The following SYT1 variants were observed in gnomAD, a reference collection of about 807,000 sequenced individuals.
The protein encoded by SYT1 is synaptotagmin-1.
SYT1 carries 8 observed loss-of-function variants against 44.8 expected under a neutral mutation model. The observed-to-expected ratio is 0.18, with a 90% CI of 0.10 to 0.32. The LOEUF is 0.32. SYT1 is among the 10% of genes least tolerant of loss of function. The pLI is 1.00. For missense variants in SYT1, 286 were observed against 509.3 expected, an observed-to-expected ratio of 0.56 and a Z score of 4.22; for synonymous variants, 154 against 188.8, an observed-to-expected ratio of 0.82 and a Z score of 1.51.
intron 3 of SYT1, among the ~76,000 whole-genome samples, chr12:79,073,087 ATAGT>A (rs1876395608): frequency 6.6e-6 from 1 of 152,132 alleles, no homozygotes; most frequent in Admixed American, 6.6e-5. Flanking sequence ...GTCTGATGCA[ATAGT>A]TAGAACATAA....
At chr12:78,906,521 G>A (rs1320049972) in intron 1 of SYT1, among the ~76,000 whole-genome samples, 1 of 152,006 alleles carries the variant, frequency 6.6e-6, no homozygotes, top group Non-Finnish European at 1.5e-5. Flanking sequence ...ATTCTATAGA[G>A]AAAAGAAAGG....
rs557525249 is a variant in SYT1 at position 79,052,555 on chromosome 12, C to T, written c.-18+5193C>T. Among the ~76,000 whole-genome samples the T allele has an allele frequency of 2.8e-3, 431 of 152,264 alleles. 2 individuals are homozygous for T. Among genetic ancestry groups the T allele is most frequent in the African/African-American group, 9.9e-3 (411 of 41,558 alleles). On this transcript the variant is annotated intron_variant, in intron 3 of 10. Transcript: ENST00000261205. ...TCTGCACAGCAAAAGAAACTACCAT[C>T]AGAGTGAATAGGCAGCCTACAGAAT...
chr12:79,171,310 C>A (rs1405401966), intron 3 of SYT1, among the ~76,000 whole-genome samples: 2 of 152,016 alleles, frequency 1.3e-5, no homozygotes, highest in Non-Finnish European at 2.9e-5. Context: ...GATATTGATT[C>A]TTCCTCTCCA....
intron 2 of SYT1, among the ~76,000 whole-genome samples, chr12:79,014,385 T>A (rs1258051659): frequency 6.6e-6 from 1 of 152,162 alleles, no homozygotes; most frequent in Non-Finnish European, 1.5e-5. Flanking sequence ...CATGCCTATT[T>A]TAGTGCAAAT....
At chr12:79,199,101 G>T (rs944713304) in intron 3 of SYT1, among the ~76,000 whole-genome samples, 4 of 152,182 alleles carry the variant, frequency 2.6e-5, no homozygotes, top group African/African-American at 9.6e-5. Flanking sequence ...CTCAAGGGCA[G>T]TAGAGACTTT....
intron 1 of SYT1, among the ~76,000 whole-genome samples, chr12:78,903,331 G>C (rs543934381): frequency 1.3e-5 from 2 of 151,746 alleles, no homozygotes; most frequent in Admixed American, 6.6e-5. Context: ...TGTCGCTCAG[G>C]CTGGAGCACA....
chr12:79,346,142 A>G (rs1462477072), intron 8 of SYT1, among the ~76,000 whole-genome samples: 1 of 152,228 alleles, frequency 6.6e-6, no homozygotes, highest in African/African-American at 2.4e-5. Context: ...CTTTTTCCAC[A>G]TAAAACGATG....
chr12:79,124,964 G>A (rs4623969), intron 3 of SYT1, among the ~76,000 whole-genome samples: 3,648 of 152,152 alleles, frequency 0.024, 122 homozygotes, highest in South Asian at 0.11. Context: ...ATTGAGAGAT[G>A]GGGAAAAAAT....
intron 3 of SYT1, among the ~76,000 whole-genome samples, chr12:79,191,865 C>T (rs1026865504): frequency 5.3e-5 from 8 of 151,780 alleles, no homozygotes; most frequent in East Asian, 1.9e-4. Flanking sequence ...AAAATGGTGA[C>T]GGCCATGAGC....
chr12:79,202,958 A>G (rs1873877322), intron 3 of SYT1, among the ~76,000 whole-genome samples: 1 of 152,194 alleles, frequency 6.6e-6, no homozygotes, highest in Non-Finnish European at 1.5e-5. Context: ...TGTTTTGAAT[A>G]GGAAAAAAAT....
At chr12:78,954,122 G>T (rs1879101596) in intron 1 of SYT1, among the ~76,000 whole-genome samples, 2 of 152,072 alleles carry the variant, frequency 1.3e-5, no homozygotes, top group Non-Finnish European at 2.9e-5. Context: ...ATTAGATCAT[G>T]TCATCTTTCA....
chr12:79,207,672 G>A (rs936852715), intron 3 of SYT1, among the ~76,000 whole-genome samples: 1 of 152,186 alleles, frequency 6.6e-6, no homozygotes, highest in African/African-American at 2.4e-5. Context: ...AGTTGGGCCA[G>A]CTTGGAAACA....
intron 2 of SYT1, among the ~76,000 whole-genome samples, chr12:79,037,892 A>G (rs1257804726): frequency 1.3e-5 from 2 of 151,826 alleles, no homozygotes; most frequent in African/African-American, 4.8e-5. Context: ...ACAATCAGAT[A>G]ATGTTGTGCT....
intron 1 of SYT1, among the ~76,000 whole-genome samples, chr12:78,872,022 A>G (rs1592510147): frequency 6.6e-6 from 1 of 151,956 alleles, no homozygotes; most frequent in East Asian, 1.9e-4. Context: ...TTCTTCTGTT[A>G]AAAGCTTAGT....
chr12:78,930,355 G>T (rs759549404), intron 1 of SYT1, among the ~76,000 whole-genome samples: 21 of 151,628 alleles, frequency 1.4e-4, no homozygotes, highest in Non-Finnish European at 2.6e-4. Context: ...AGGCAGAAAG[G>T]GAAGGAAAAT....
In SYT1 at chr12:78,878,890, A is replaced by G. The variant is rs79751741; in HGVS notation, c.-217+13781A>G. Among the ~76,000 whole-genome samples the G allele has an allele frequency of 3.8e-3, 573 of 151,876 alleles. 5 individuals carry two copies. Among genetic ancestry groups the G allele is most frequent in the African/African-American group, 0.012 (492 of 41,510 alleles). On this transcript the variant is annotated intron_variant, in intron 1 of 10. Transcript: ENST00000261205. ...TAGACTCTGAGAGCTCCAGTGCCCC[A>G]GTGTCTTATAAGACTGTCATCTCAA...
In SYT1 at chr12:79,040,680, G is replaced by A. The variant is rs1199172264; in HGVS notation, c.-83-6617G>A. Among the ~76,000 whole-genome samples, 4 of 152,038 alleles carry A rather than the reference G, an allele frequency of 2.6e-5. No individual in the cohort carries two copies. In the South Asian group the frequency reaches 6.2e-4, roughly 24 times the overall value. On this transcript the variant is annotated intron_variant, in intron 2 of 10. Coordinates refer to ENST00000261205, the MANE Select transcript of SYT1 (RefSeq NM_005639.3). ...TTGTTGCCATTGCTTTTGGTGTTTT[G>A]GACATGAAGTCCTTGCCCATGCCTA... is the stretch of plus-strand genomic sequence containing the variant.
intron 3 of SYT1, among the ~76,000 whole-genome samples, chr12:79,160,184 A>C (rs905250453): frequency 5.3e-5 from 8 of 152,072 alleles, no homozygotes; most frequent in African/African-American, 1.9e-4. Flanking sequence ...ATGGCTGATG[A>C]GGTAATGTCT....
intron 9 of SYT1, chr12:79,392,308 T>C (rs924477445): frequency 1.3e-5 from 2 of 152,250 alleles, no homozygotes; most frequent in African/African-American, 4.8e-5. Context: ...ATCAACTCTT[T>C]GCTATTGTGA....
Sources: allele counts gnomAD v4.1 joint callset (sites outside exome capture counted in the v4.1 genomes callset), GRCh38; gene constraint gnomAD v4.1.1; transcripts MANE v1.5; gene names NCBI Gene and HGNC (gene_info 2026-07-23, HGNC 2026-07-21).